MEI4: variants seen among roughly 807,000 people sequenced by gnomAD.
MEI4 encodes the protein meiosis-specific protein MEI4.
MEI4 carries 27 observed loss-of-function variants against 31.4 expected under a neutral mutation model. The ratio of observed to expected loss-of-function variants is 0.86; its 90% CI spans 0.63 to 1.19. The LOEUF (loss-of-function observed/expected upper bound fraction) is 1.19, where lower values mean the gene tolerates loss of function less well. Among genes scored for constraint, MEI4 ranks in the 50% most tolerant of loss-of-function variants. MEI4 has a pLI of 0.00. For synonymous variants in MEI4, 122 were observed against 145.4 expected, an observed-to-expected ratio of 0.84 and a Z score of 1.16; for missense variants, 329 against 398.9, an observed-to-expected ratio of 0.82 and a Z score of 1.49.
In MEI4 at chr6:77,697,506, C is replaced by G. The variant is rs568109693; in HGVS notation, c.232+6603C>G. 7.0e-4 allele frequency among the ~76,000 whole-genome samples: 107 copies of G among 152,166 alleles called. 1 individual carries two copies. The highest frequency in any genetic ancestry group is 2.3e-3 in the African/African-American group (95 of 41,520). ...GGTTTCAAAGAACATCTTTATTTCT[C>G]CCTTCATTTCGTTATGTACCCAGTA... On this transcript the variant is annotated intron_variant, in intron 2 of 4. Coordinates refer to ENST00000684080, the MANE Select transcript of MEI4 (RefSeq NM_001322247.2).
chr6:77,792,964 A>G (rs901864748), intron 3 of MEI4, among the ~76,000 whole-genome samples: 1 of 152,092 alleles, frequency 6.6e-6, no homozygotes, highest in Non-Finnish European at 1.5e-5. Flanking sequence ...CGCCTGCCTC[A>G]GCCTCCCAAA....
chr6:77,777,560 A>G (rs1340509430), intron 3 of MEI4, among the ~76,000 whole-genome samples: 5 of 152,210 alleles, frequency 3.3e-5, no homozygotes, highest in South Asian at 4.1e-4. Context: ...ATGTATTGCT[A>G]TCAAATTTCC....
intron 3 of MEI4, among the ~76,000 whole-genome samples, chr6:77,806,655 G>A (rs1311955111): frequency 3.3e-5 from 5 of 152,112 alleles, no homozygotes; most frequent in African/African-American, 7.2e-5. Flanking sequence ...ATGGAGTTGT[G>A]CAGGAAATAC....
At chr6:77,916,918 C>A (rs1408973816) in intron 4 of MEI4, among the ~76,000 whole-genome samples, 55 of 150,912 alleles carry the variant, frequency 3.6e-4, no homozygotes, top group Middle Eastern at 6.8e-3. Context: ...ATCCCTCCCC[C>A]CCTACCCCCA....
intron 4 of MEI4, among the ~76,000 whole-genome samples, chr6:77,852,489 A>C (rs1477359425): frequency 6.6e-6 from 1 of 152,176 alleles, no homozygotes; most frequent in Non-Finnish European, 1.5e-5. Flanking sequence ...ATTCACACTC[A>C]TATAACAAAA....
At chr6:77,917,594 C>T (rs1219627721) in intron 4 of MEI4, among the ~76,000 whole-genome samples, 1 of 68,442 alleles carries the variant, frequency 1.5e-5, no homozygotes, top group Admixed American at 1.6e-4. Context: ...TGTTCATGTC[C>T]TTTGCCCACT....
chr6:77,699,173 T>G (rs903236866), intron 2 of MEI4, among the ~76,000 whole-genome samples: 2 of 149,066 alleles, frequency 1.3e-5, no homozygotes, highest in African/African-American at 4.9e-5. Context: ...ATTCGTCTAA[T>G]TTTTTTTCAA....
chr6:77,906,236 T>C (rs1454237956), intron 4 of MEI4, among the ~76,000 whole-genome samples: 7 of 152,168 alleles, frequency 4.6e-5, no homozygotes, highest in Admixed American at 3.9e-4. Context: ...TATGCCTCTT[T>C]GGTTTTTAAT....
intron 4 of MEI4, among the ~76,000 whole-genome samples, chr6:77,895,196 T>G (rs893642867): frequency 6.6e-6 from 1 of 152,180 alleles, no homozygotes; most frequent in African/African-American, 2.4e-5. Context: ...TCCTCATGGA[T>G]TCCAACACAC....
chr6:77,752,662 C>T (rs1344846645), intron 2 of MEI4, among the ~76,000 whole-genome samples: 3 of 152,182 alleles, frequency 2.0e-5, no homozygotes, highest in African/African-American at 4.8e-5. Flanking sequence ...AGAATCATAT[C>T]ACAAAAATGA....
intron 3 of MEI4, among the ~76,000 whole-genome samples, chr6:77,791,248 A>G (rs1340635029): frequency 6.6e-6 from 1 of 152,206 alleles, no homozygotes; most frequent in African/African-American, 2.4e-5. Context: ...TTATTGCGGC[A>G]TTATTCACGA....
At chr6:77,708,216 G>A (rs1766373739) in intron 2 of MEI4, among the ~76,000 whole-genome samples, 3 of 152,208 alleles carry the variant, frequency 2.0e-5, no homozygotes. Flanking sequence ...CAAGGCTTTG[G>A]GAGCCCACCC....
chr6:77,790,638 TTA>T (rs1287628669), intron 3 of MEI4, among the ~76,000 whole-genome samples: 6 of 152,104 alleles, frequency 3.9e-5, no homozygotes, highest in Non-Finnish European at 5.9e-5. Flanking sequence ...TCCAGATTCA[TTA>T]TGTTTAGAGA....
intron 3 of MEI4, among the ~76,000 whole-genome samples, chr6:77,782,662 G>A (rs1318500433): frequency 6.6e-6 from 1 of 152,066 alleles, no homozygotes; most frequent in African/African-American, 2.4e-5. Context: ...TGAGAAGATT[G>A]GGGCCACTTC....
intron 2 of MEI4, among the ~76,000 whole-genome samples, chr6:77,722,122 AT>A (rs1766721471): frequency 9.8e-6 from 1 of 101,684 alleles, no homozygotes; most frequent in African/African-American, 3.7e-5. Flanking sequence ...TAAAAAAGCA[AT>A]CCTTTAGATC....
chr6:77,923,159 T>G lies in MEI4; in HGVS notation c.971T>G (p.Leu324Arg), dbSNP rs1365363838. The change falls in exon 5 of 5, where the codon CTT (leucine) becomes CGT (arginine). Residue 324 changes from leucine (L) to arginine (R), a missense_variant. Leu to Arg is a moderately radical substitution (Grantham distance 102, BLOSUM62 -2). Transcript: ENST00000684080. Reference protein sequence around the residue: ...FYLFWVLEQLLQKETEEGNTS... With the variant: ...FYLFWVLEQLRQKETEEGNTS... ...CTGTTCTGGGTTCTGGAGCAGCTTC[T>G]TCAAAAGGAAACCGAAGAAGGCAAC... The G allele has an allele frequency of 1.7e-5, 21 of 1,230,548 alleles. No homozygotes were observed. The highest frequency in any genetic ancestry group is 2.0e-5 in the Non-Finnish European group (20 of 986,962). 76.2% of individuals were successfully genotyped at this position (1,230,548 alleles called of 1,614,324 possible).
chr6:77,824,981 C>T (rs1017088209), intron 3 of MEI4, among the ~76,000 whole-genome samples: 2 of 152,054 alleles, frequency 1.3e-5, no homozygotes, highest in Non-Finnish European at 2.9e-5. Context: ...TTCACTTGTT[C>T]AGTGATAATT....
At chr6:77,661,492 G>C (rs556604177) in intron 1 of MEI4, among the ~76,000 whole-genome samples, 3 of 152,294 alleles carry the variant, frequency 2.0e-5, no homozygotes, top group African/African-American at 7.2e-5. Flanking sequence ...CTCGAGGCTT[G>C]TGAGTAAAGT....
chr6:77,811,690 G>T (rs181944202), intron 3 of MEI4, among the ~76,000 whole-genome samples: 3 of 151,344 alleles, frequency 2.0e-5, no homozygotes, highest in Admixed American at 6.6e-5. Flanking sequence ...CAGGAGAATC[G>T]CTTGAACCTG....
Sources: gnomAD v4.1 joint callset for allele counts (sites outside exome capture counted in the v4.1 genomes callset) on GRCh38, gnomAD v4.1.1 for gene constraint, MANE v1.5 for transcripts, NCBI Gene and HGNC (gene_info 2026-07-23, HGNC 2026-07-21) for gene names.